Variants in UBR1 observed in about 807,000 individuals in gnomAD.
UBR1 encodes E3 ubiquitin-protein ligase UBR1.
In UBR1, 102 loss-of-function variants were observed where a neutral mutation model predicts 242.1. The observed-to-expected ratio is 0.42, with a 90% confidence interval of 0.36 to 0.50. The LOEUF is 0.50. UBR1 is among the 20% of genes least tolerant of loss of function. UBR1 has a pLI of 0.01. For missense variants in UBR1, 1,772 were observed against 2,101.8 expected (o/e 0.84, Z 3.07); for synonymous variants, 675 against 684.8 (o/e 0.99, Z 0.22).
At chr15:42,949,852 T>C (rs1328172392) in intron 46 of UBR1, among the ~76,000 whole-genome samples, 1 of 118,442 alleles carries the variant, frequency 8.4e-6, no homozygotes, top group Non-Finnish European at 2.1e-5. Context: ...CTCAATTACT[T>C]TTTTTTTTTT....
intron 30 of UBR1, among the ~76,000 whole-genome samples, chr15:43,005,139 C>A (rs1426800103): frequency 6.6e-6 from 1 of 151,766 alleles, no homozygotes; most frequent in African/African-American, 2.4e-5. Flanking sequence ...CCCCTCCGCC[C>A]GGCAGCCACC....
intron 13 of UBR1, 145 bp downstream of exon 13, chr15:43,048,247 G>A: frequency 1.5e-6 from 1 of 657,372 alleles, no homozygotes; most frequent in Admixed American, 2.8e-5. Flanking sequence ...ATCAAAACAG[G>A]ATGAGTGAGT....
At chr15:43,007,332 G>A (rs1018826278) in intron 29 of UBR1, 48 bp from the exon 30 acceptor site, 8 of 1,569,364 alleles carry the variant, frequency 5.1e-6, no homozygotes, top group Non-Finnish European at 7.0e-6. Context: ...TTGGTCACTT[G>A]TCTTCATATT....
chr15:43,059,212 C>T lies in UBR1; in HGVS notation c.986-20G>A. On this transcript the variant is annotated intron_variant, in intron 8 of 46. Coordinates refer to ENST00000290650, the MANE Select transcript of UBR1 (RefSeq NM_174916.3). ...AGTCACCTACAAACAAAAGAGGTCA[C>T]ACAGTTACACAACTTGTATTCTTTT... The T allele has an allele frequency of 6.3e-7, 1 of 1,587,462 alleles. No individual in the cohort carries two copies. The highest frequency in any genetic ancestry group is 8.7e-7 in the Non-Finnish European group (1 of 1,155,894).
At chr15:43,105,125 T>G (rs1311998679) in intron 1 of UBR1, among the ~76,000 whole-genome samples, 1 of 152,216 alleles carries the variant, frequency 6.6e-6, no homozygotes, top group Non-Finnish European at 1.5e-5. Flanking sequence ...ATGCTGCTAT[T>G]TAGAAAGACA....
chr15:43,104,112 C>G (rs1279807144), intron 1 of UBR1, among the ~76,000 whole-genome samples: 1 of 152,122 alleles, frequency 6.6e-6, no homozygotes, highest in Non-Finnish European at 1.5e-5. Flanking sequence ...TTCCTTGAGG[C>G]TATATTACAC....
At chr15:43,035,221 C>T (rs1026561378) in intron 19 of UBR1, among the ~76,000 whole-genome samples, 1 of 152,048 alleles carries the variant, frequency 6.6e-6, no homozygotes, top group African/African-American at 2.4e-5. Flanking sequence ...GTTTTAAAAA[C>T]AAGCAAGACA....
intron 29 of UBR1, among the ~76,000 whole-genome samples, chr15:43,012,199 C>T (rs1315780514): frequency 6.6e-6 from 1 of 151,308 alleles, no homozygotes; most frequent in East Asian, 1.9e-4. Context: ...TGCACTCCAG[C>T]CTGGGCGACA....
At chr15:43,026,010 T>A (rs1422153290) in intron 23 of UBR1, 1 of 157,440 alleles carries the variant, frequency 6.4e-6, no homozygotes, top group Admixed American at 6.3e-5. Flanking sequence ...GTGGGTGGAA[T>A]CATTTGAGGT....
chr15:42,970,378 A>G, intron 40 of UBR1, 142 bp downstream of exon 40: 1 of 857,834 alleles, frequency 1.2e-6, no homozygotes, highest in Non-Finnish European at 1.9e-6. Flanking sequence ...TAAGACCTAA[A>G]CCATAAAAAC....
At chr15:43,037,121 C>G (rs11070388) in intron 17 of UBR1, among the ~76,000 whole-genome samples, 123,392 of 151,494 alleles carry the variant, frequency 0.81, 50,980 homozygotes, top group Non-Finnish European at 0.89. Context: ...GTTCAGGTGA[C>G]CGGATCACCT....
chr15:42,979,485 A>G (rs1444547868), intron 37 of UBR1, among the ~76,000 whole-genome samples: 1 of 152,154 alleles, frequency 6.6e-6, no homozygotes, highest in African/African-American at 2.4e-5. Context: ...AGGCGACTTA[A>G]CTTCTCTAAG....
Position 42,945,452 on chromosome 15 carries a change from A to G in UBR1, c.5127T>C (p.His1709=), listed in dbSNP as rs747249548. The change falls in exon 47 of 47, where the codon CAT becomes CAC. Residue 1709 remains histidine, a synonymous_variant. Coordinates refer to ENST00000290650, the MANE Select transcript of UBR1 (RefSeq NM_174916.3). ...DPGLKRGNPL[H]LSRERYRKLH... is the part of the protein sequence containing the mutation. ...GCTTCCGATACCGCTCACGAGATAA[A>G]TGAAGGGGGTTGCCCCTCCTTTAGG... 1 of 1,614,188 alleles carries G rather than the reference A, an allele frequency of 6.2e-7. No homozygotes were observed. Among genetic ancestry groups the G allele is most frequent in the Non-Finnish European group, 8.5e-7 (1 of 1,180,028 alleles).
intron 23 of UBR1, chr15:43,026,091 G>C (rs983928573): frequency 1.4e-4 from 23 of 164,054 alleles, no homozygotes; most frequent in Non-Finnish European, 2.6e-4. Flanking sequence ...AATTAGCCAG[G>C]CATGGTGGCA....
chr15:43,047,236 A>G lies in UBR1; in HGVS notation c.1593T>C (p.Asp531=), dbSNP rs1223853776. 6 of 1,614,068 alleles carry G rather than the reference A, an allele frequency of 3.7e-6. No homozygotes were observed. Among genetic ancestry groups the G allele is most frequent in the African/African-American group, 2.7e-5 (2 of 74,932 alleles). Residue 531 remains aspartate (D), a synonymous_variant, in exon 14 of 47, where the codon GAT becomes GAC. Coordinates refer to ENST00000290650, the MANE Select transcript of UBR1 (RefSeq NM_174916.3). The part of the protein sequence containing the change: ...QVGQHIEVDP[D]WEAAIAIQMQ... Reference sequence around the variant, plus strand: ...TCTGTATAGCAATGGCAGCCTCCCAATCAGGATCCACTTCAATGTGTTGCC... The same window carrying G: ...TCTGTATAGCAATGGCAGCCTCCCAGTCAGGATCCACTTCAATGTGTTGCC...
chr15:42,995,939 C>T (rs957664925), intron 33 of UBR1, among the ~76,000 whole-genome samples: 3 of 152,204 alleles, frequency 2.0e-5, no homozygotes, highest in African/African-American at 7.2e-5. Flanking sequence ...ACCTCCACAA[C>T]TGCCCCATAT....
intron 1 of UBR1, among the ~76,000 whole-genome samples, chr15:43,088,582 A>G (rs939891317): frequency 1.3e-5 from 2 of 150,928 alleles, no homozygotes; most frequent in African/African-American, 4.9e-5. Flanking sequence ...TGTAACCTCT[A>G]CTTCCTGGGT....
chr15:43,011,421 T>C (rs534633667), intron 29 of UBR1, among the ~76,000 whole-genome samples: 36 of 152,244 alleles, frequency 2.4e-4, no homozygotes, highest in African/African-American at 7.7e-4. Context: ...TTAAGACTTA[T>C]ATAAGTCAGT....
rs2032843459 is a variant in UBR1 at position 43,007,162 on chromosome 15, T to C, written c.3332A>G (p.Asn1111Ser). ...CQEEQEVKIE[N>S]NAMVLSACVQ... ...ACAGGCCGATAATACCATGGCATTATTTTCTATTTTCACCTCCTGTTCTTC... is the reference window on the plus strand; with the variant it reads ...ACAGGCCGATAATACCATGGCATTACTTTCTATTTTCACCTCCTGTTCTTC... Residue 1111 changes from asparagine to serine, a missense_variant, in exon 30 of 47, where the codon AAT (asparagine) becomes AGT (serine). By Grantham distance (46) the Asn-to-Ser change is conservative (BLOSUM62 1). Coordinates refer to ENST00000290650, the MANE Select transcript of UBR1 (RefSeq NM_174916.3). 3.1e-6 allele frequency: 5 copies of C among 1,614,032 alleles called. No homozygotes were observed. Among genetic ancestry groups the C allele is most frequent in the Non-Finnish European group, 4.2e-6 (5 of 1,180,030 alleles).
Sources: allele counts gnomAD v4.1 joint callset (sites outside exome capture counted in the v4.1 genomes callset), GRCh38; gene constraint gnomAD v4.1.1; transcripts MANE v1.5; gene names NCBI Gene and HGNC (gene_info 2026-07-23, HGNC 2026-07-21).